Variants in APAF1 observed in about 807,000 individuals in gnomAD.
APAF1 encodes apoptotic peptidase activating factor 1, also known as apoptotic protease-activating factor 1.
APAF1 carries 91 observed loss-of-function variants against 152.4 expected under a neutral mutation model. The observed-to-expected ratio is 0.60, with a 90% confidence interval of 0.50 to 0.71. The LOEUF (loss-of-function observed/expected upper bound fraction) is 0.71, where lower values mean the gene tolerates loss of function less well. APAF1 is among the 30% of genes least tolerant of loss of function. The pLI is 0.00. For synonymous variants in APAF1, 484 were observed against 494.1 expected (o/e 0.98, Z 0.27); for missense variants, 1,283 against 1,472.0 (o/e 0.87, Z 2.10).
At chr12:98,684,904 A>G (rs990107931) in intron 15 of APAF1, among the ~76,000 whole-genome samples, 1 of 152,204 alleles carries the variant, frequency 6.6e-6, no homozygotes, top group Non-Finnish European at 1.5e-5. Context: ...AAGATGTGCT[A>G]TACTACCTAT....
intron 15 of APAF1, among the ~76,000 whole-genome samples, chr12:98,685,698 C>T (rs1357747722): frequency 6.6e-6 from 1 of 151,974 alleles, no homozygotes; most frequent in African/African-American, 2.4e-5. Flanking sequence ...TGCAGTGGAG[C>T]GATCTTGGCT....
chr12:98,700,081 T>G (rs2097713768), intron 17 of APAF1, among the ~76,000 whole-genome samples: 2 of 152,208 alleles, frequency 1.3e-5, no homozygotes, highest in Non-Finnish European at 2.9e-5. Context: ...GAGGAAAATA[T>G]GAAAAAAGTA....
chr12:98,712,139 A>G (rs2097728530), intron 20 of APAF1, among the ~76,000 whole-genome samples, 180 bp from the exon 21 acceptor site: 2 of 152,228 alleles, frequency 1.3e-5, no homozygotes, highest in Admixed American at 1.3e-4. Context: ...GTGGATTGAA[A>G]TGAAAGTGTG....
chr12:98,674,532 T>C (rs1244905223), intron 12 of APAF1, among the ~76,000 whole-genome samples: 2 of 152,168 alleles, frequency 1.3e-5, no homozygotes, highest in Non-Finnish European at 2.9e-5. Flanking sequence ...GTTTGCCCCA[T>C]ATCATAGGAT....
intron 12 of APAF1, among the ~76,000 whole-genome samples, chr12:98,677,099 A>G (rs1052849553): frequency 1.3e-5 from 2 of 152,220 alleles, no homozygotes; most frequent in Non-Finnish European, 2.9e-5. Flanking sequence ...ATCATTATTA[A>G]TGTATCAAAG....
At chr12:98,687,067 A>T (rs1215250807) in intron 16 of APAF1, among the ~76,000 whole-genome samples, 194 bp downstream of exon 16, 1 of 152,188 alleles carries the variant, frequency 6.6e-6, no homozygotes, top group Non-Finnish European at 1.5e-5. Context: ...CCTAATGCTT[A>T]AAGTTCTATA....
chr12:98,695,612 G>T (rs2097709042), intron 16 of APAF1, among the ~76,000 whole-genome samples: 1 of 152,028 alleles, frequency 6.6e-6, no homozygotes, highest in Admixed American at 6.5e-5. Flanking sequence ...TCAACATTTA[G>T]AAAAAAGACT....
chr12:98,715,504 A>T lies in APAF1; in HGVS notation c.3036A>T (p.Thr1012=). The T allele has an allele frequency of 6.2e-7, 1 of 1,613,740 alleles. No homozygotes were observed. The highest frequency in any genetic ancestry group is 2.2e-5 in the East Asian group (1 of 44,832). ...HKKTVWHIQF[T]ADEKTLISSS... is the part of the protein sequence containing the mutation. ...AAACTGTATGGCACATCCAGTTCACAGCCGATGAGAAGACTCTTATTTCAA... is the reference window on the plus strand; with the variant it reads ...AAACTGTATGGCACATCCAGTTCACTGCCGATGAGAAGACTCTTATTTCAA... The change falls in exon 22 of 27, where the codon ACA becomes ACT. Residue 1012 remains threonine (T), a synonymous_variant. Transcript: ENST00000551964.
intron 10 of APAF1, among the ~76,000 whole-genome samples, chr12:98,668,242 T>C (rs536168997): frequency 6.6e-6 from 1 of 152,354 alleles, no homozygotes; most frequent in East Asian, 1.9e-4. Flanking sequence ...TTTTTGTTTT[T>C]ACCTGTAGTG....
intron 16 of APAF1, 119 bp from the exon 17 acceptor site, chr12:98,699,289 T>TA (rs1267376755): frequency 9.8e-7 from 1 of 1,016,830 alleles, no homozygotes; most frequent in East Asian, 2.6e-5. Context: ...CATGCATAGG[T>TA]AAAAATAATT....
In APAF1 at chr12:98,648,353, AG is replaced by A; in HGVS notation, c.-4del. 3 of 1,614,076 alleles carry A rather than the reference AG, an allele frequency of 1.9e-6. No individual in the cohort carries two copies. The highest frequency in any genetic ancestry group is 2.5e-6 in the Non-Finnish European group (3 of 1,179,978). On this transcript the variant is annotated 5_prime_UTR_variant, in exon 2 of 27. Transcript: ENST00000551964. Reference sequence around the variant, plus strand: ...GACAGCTCAGAGAGAGAAAGATCTGAGGGAAGATGGATGCAAAAGCTCGAAA... The same window carrying A: ...GACAGCTCAGAGAGAGAAAGATCTGAGGAAGATGGATGCAAAAGCTCGAAA...
chr12:98,663,712 G>A (rs1211950500), intron 7 of APAF1, among the ~76,000 whole-genome samples: 2 of 151,758 alleles, frequency 1.3e-5, no homozygotes, highest in African/African-American at 4.8e-5. Context: ...AGGCTGGAGT[G>A]CAGTGGCGTG....
chr12:98,733,414 AGCCACCGTGCCTG>A lies in APAF1; in HGVS notation c.*853_*865del, dbSNP rs2097764997. On this transcript the variant is annotated 3_prime_UTR_variant, in exon 27 of 27. Transcript: ENST00000551964. ...CCAAAGTGCTGAGATTACAGGCGTG[AGCCACCGTGCCTG>A]GCCAGGCCCCTTCTCTTTTAATGGA... The A allele has an allele frequency of 6.6e-6, 1 of 152,226 alleles. No individual in the cohort carries two copies. Among genetic ancestry groups the A allele is most frequent in the Non-Finnish European group, 1.5e-5 (1 of 68,780 alleles). 9.4% of individuals were successfully genotyped at this position (152,226 alleles called of 1,614,324 possible).
intron 22 of APAF1, among the ~76,000 whole-genome samples, chr12:98,715,802 G>C (rs2097734110): frequency 6.6e-6 from 1 of 152,072 alleles, no homozygotes; most frequent in Non-Finnish European, 1.5e-5. Flanking sequence ...GCATTTTCTT[G>C]CCTGTCTTGG....
intron 11 of APAF1, 44 bp downstream of exon 11, chr12:98,671,130 A>T (rs757428659): frequency 6.9e-6 from 8 of 1,158,494 alleles, no homozygotes; most frequent in African/African-American, 1.5e-5. Context: ...AAGGAATCTC[A>T]TTTTTTTTTA....
Position 98,663,181 on chromosome 12 carries a change from A to AT in APAF1, c.955+384dup, listed in dbSNP as rs886904240. Among the ~76,000 whole-genome samples the AT allele has an allele frequency of 1.9e-3, 282 of 150,658 alleles. 1 individual carries two copies. Among genetic ancestry groups the AT allele is most frequent in the African/African-American group, 6.5e-3 (266 of 41,172 alleles). On this transcript the variant is annotated intron_variant, in intron 7 of 26. Coordinates refer to ENST00000551964, the MANE Select transcript of APAF1 (RefSeq NM_181861.2). ...AGTAAAAACTGGTGTCTTAATTTGCATTTTTTTTTAGCGAAGTTAAACTTT... is the reference window on the plus strand; with the variant it reads ...AGTAAAAACTGGTGTCTTAATTTGCATTTTTTTTTTAGCGAAGTTAAACTTT...
At chr12:98,672,406 C>T (rs971397031) in intron 12 of APAF1, among the ~76,000 whole-genome samples, 1 of 152,176 alleles carries the variant, frequency 6.6e-6, no homozygotes, top group Non-Finnish European at 1.5e-5. Context: ...TTCAAGTGAG[C>T]TGCATGCCTC....
At chr12:98,661,173 T>G (rs971032578) in intron 5 of APAF1, among the ~76,000 whole-genome samples, 1 of 152,204 alleles carries the variant, frequency 6.6e-6, no homozygotes, top group Non-Finnish European at 1.5e-5. Flanking sequence ...AGTGCTGGGA[T>G]TACAGGCGTG....
chr12:98,659,747 C>T (rs1450884048), intron 5 of APAF1, among the ~76,000 whole-genome samples: 2 of 64,302 alleles, frequency 3.1e-5, no homozygotes, highest in African/African-American at 1.2e-4. Flanking sequence ...AGTGAAACTC[C>T]ATCAGAAAAA....
Sources: allele counts gnomAD v4.1 joint callset (sites outside exome capture counted in the v4.1 genomes callset), GRCh38; gene constraint gnomAD v4.1.1; transcripts MANE v1.5; gene names NCBI Gene and HGNC (gene_info 2026-07-23, HGNC 2026-07-21).